The following LILRB4 variants were observed in gnomAD, a reference collection of about 807,000 sequenced individuals.
LILRB4 encodes leukocyte immunoglobulin-like receptor subfamily B member 4.
Under a neutral mutation model 55.2 loss-of-function variants are expected in LILRB4, and 49 were observed. That is an observed-to-expected ratio of 0.89 (90% CI 0.71 to 1.13). LILRB4 has a LOEUF of 1.13. Ranked by LOEUF, LILRB4 falls within the 50% of genes most tolerant of loss-of-function variation. The probability of loss-of-function intolerance (pLI) is 0.00; values close to 1 mark genes in which losing one functional copy is unlikely to be tolerated. For synonymous variants in LILRB4, 229 were observed against 213.8 expected (o/e 1.07, Z -0.62); for missense variants, 590 against 555.2 (o/e 1.06, Z -0.63).
rs1599917415 is a variant in LILRB4, at chr19:54,663,647, C to T, written c.70+80C>T. ...ACCCATGGGCAGCTGGGGGAGGAGA[C>T]AGCAGTTCTGGGTGACTGATGAGGA... On this transcript the variant is annotated intron_variant, in intron 2 of 11. Transcript: ENST00000430952. The T allele has an allele frequency of 7.4e-6, 12 of 1,611,424 alleles. No homozygotes were observed. In the East Asian group the frequency reaches 2.5e-4, roughly 33 times the overall value.
At chr19:54,664,681 G>A in intron 4 of LILRB4, 118 bp from the exon 5 acceptor site, 1 of 1,023,586 alleles carries the variant, frequency 9.8e-7, no homozygotes, top group Non-Finnish European at 1.4e-6. Flanking sequence ...GAAGGTGCCA[G>A]GTGGACAGAG....
chr19:54,667,314 A>AAGCC lies in LILRB4; in HGVS notation c.1042-323_1042-320dup, dbSNP rs2065326535. On this transcript the variant is annotated intron_variant, in intron 10 of 11. Transcript: ENST00000430952. Reference sequence around the variant, plus strand: ...GCTGTCTGCTCAGCTGTCATCTGAGAAGCCTGGACGGAGAGGGCCACGTGA... The same window carrying AAGCC: ...GCTGTCTGCTCAGCTGTCATCTGAGAAGCCAGCCTGGACGGAGAGGGCCACGTGA... 4 of 590,088 alleles carry AAGCC rather than the reference A, an allele frequency of 6.8e-6. No individual in the cohort carries two copies. In the South Asian group the frequency reaches 7.4e-5, roughly 11 times the overall value. 36.6% of individuals were successfully genotyped at this position (590,088 alleles called of 1,614,324 possible). A position where few individuals can be genotyped will look rare whatever the true frequency, so the allele number is the denominator to read the frequency against.
exon 4 of LILRB4, chr19:54,664,455 C>T (rs1292162910): frequency 1.2e-6 from 2 of 1,610,062 alleles, no homozygotes; most frequent in South Asian, 1.1e-5. Context: ...GCTGTCACAC[C>T]CCAGTGACCC....
At chr19:54,668,165 C>T in exon 12 of LILRB4, 1 of 835,174 alleles carries the variant, frequency 1.2e-6, no homozygotes, top group African/African-American at 1.7e-5. Flanking sequence ...TTGGGAGTCA[C>T]CTGATTCTGC....
At chr19:54,663,903 C>T in exon 3 of LILRB4, 1 of 1,614,140 alleles carries the variant, frequency 6.2e-7, no homozygotes, top group East Asian at 2.2e-5. Flanking sequence ...CAGACAGAAC[C>T]CACTGGAGCC....
exon 4 of LILRB4, chr19:54,664,318 C>T (rs2065164731): frequency 1.2e-6 from 2 of 1,614,020 alleles, no homozygotes; most frequent in African/African-American, 2.7e-5. Flanking sequence ...GCAGCCCATC[C>T]CCTACTGCAT....
rs374265065 is a variant in LILRB4 at position 54,666,756 on chromosome 19, A to C, written c.1041+7A>C. The stretch of plus-strand genomic sequence containing the variant: ...GGTGGAAATGGACACTCGGGTGAGA[A>C]CCCGCCCCTGTCCCCGGCACCAAAG... On this transcript the variant is annotated splice_region_variant and intron_variant, in intron 10 of 11. Coordinates refer to ENST00000430952, the Ensembl canonical transcript of LILRB4. The surrounding 1 kb of genome is among the most constrained non-coding windows in gnomAD (Gnocchi z 4.8). 241 of 1,613,686 alleles carry C rather than the reference A, an allele frequency of 1.5e-4. No individual in the cohort carries two copies. The highest frequency in any genetic ancestry group is 6.7e-4 in the Middle Eastern group (4 of 5,950).
rs767541477 is a variant in LILRB4 at position 54,666,722 on chromosome 19, T to C, written c.1014T>C (p.Pro338=). The C allele has an allele frequency of 4.3e-6, 7 of 1,614,034 alleles. No individual in the cohort carries two copies. Among genetic ancestry groups the C allele is most frequent in the South Asian group, 3.3e-5 (3 of 91,084 alleles). The change falls in exon 10 of 12, where the codon CCT becomes CCC. Residue 338 remains proline, a synonymous_variant. Coordinates refer to ENST00000430952, the Ensembl canonical transcript of LILRB4. The surrounding 1 kb of genome is among the most constrained non-coding windows in gnomAD (Gnocchi z 4.8). ...GTGCTGCCGTGAAGAACACACAGCC[T>C]GAGGACGGGGTGGAAATGGACACTC...
chr19:54,663,634 C>T, intron 2 of LILRB4, 67 bp downstream of exon 2: 1 of 1,612,036 alleles, frequency 6.2e-7, no homozygotes, highest in Non-Finnish European at 8.5e-7. Flanking sequence ...CCATGGGCAG[C>T]TGGGGGAGGA....
At chr19:54,664,394 G>T (rs764056217) in exon 4 of LILRB4, 1 of 1,613,964 alleles carries the variant, frequency 6.2e-7, no homozygotes, top group Non-Finnish European at 8.5e-7. Flanking sequence ...TGACCTCAGT[G>T]CACGGGGGGA....
intron 10 of LILRB4, chr19:54,667,392 C>G (rs531312988): frequency 3.9e-6 from 3 of 771,588 alleles, no homozygotes; most frequent in Non-Finnish European, 4.1e-6. Flanking sequence ...GCAAAGGCCC[C>G]GAGGCAGCAG....
chr19:54,665,298 G>A lies in LILRB4; in HGVS notation c.757+118G>A. On this transcript the variant is annotated intron_variant, in intron 6 of 11. Coordinates refer to ENST00000430952, the Ensembl canonical transcript of LILRB4. This position sits in a 1 kb window ranked among gnomAD's most constrained non-coding sequence, Gnocchi z 5.5. ...TGTGGACAGGCCCCTCCCCTGCATGGGCCTCAGTTTCTCCAAGTGTAAAGG... is the reference window on the plus strand; with the variant it reads ...TGTGGACAGGCCCCTCCCCTGCATGAGCCTCAGTTTCTCCAAGTGTAAAGG... The A allele has an allele frequency of 7.5e-7, 1 of 1,330,534 alleles. No individual in the cohort carries two copies. The highest frequency in any genetic ancestry group is 1.0e-6 in the Non-Finnish European group (1 of 981,098). 82.4% of individuals were successfully genotyped at this position (1,330,534 alleles called of 1,614,324 possible). A position where few individuals can be genotyped will look rare whatever the true frequency, so the allele number is the denominator to read the frequency against.
chr19:54,662,992 A>G (rs371079648), upstream of LILRB4: 3 of 1,613,650 alleles, frequency 1.9e-6, no homozygotes, highest in South Asian at 2.2e-5. Flanking sequence ...GGCACTGAGG[A>G]CTCATCCATC....
intron 10 of LILRB4, chr19:54,667,404 G>C (rs548010912): frequency 4.7e-5 from 40 of 845,026 alleles, no homozygotes; most frequent in Non-Finnish European, 6.4e-5. Context: ...AGGCAGCAGC[G>C]AGCTCTTGCA....
chr19:54,666,574 C>G lies in LILRB4; in HGVS notation c.989-123C>G. ...GGTCTGAACCCACATTGTGGGACCT[C>G]GGGGACATCACAGCCCCTCCCTGCG... On this transcript the variant is annotated intron_variant, in intron 9 of 11. Coordinates refer to ENST00000430952, the Ensembl canonical transcript of LILRB4. The surrounding 1 kb of genome is among the most constrained non-coding windows in gnomAD (Gnocchi z 4.8). 1 of 1,423,936 alleles carries G rather than the reference C, an allele frequency of 7.0e-7. No homozygotes were observed. The highest frequency in any genetic ancestry group is 9.8e-7 in the Non-Finnish European group (1 of 1,021,444). 88.2% of individuals were successfully genotyped at this position (1,423,936 alleles called of 1,614,324 possible).
chr19:54,663,192 A>G, intron 1 of LILRB4, 125 bp downstream of exon 1: 2 of 1,116,962 alleles, frequency 1.8e-6, no homozygotes, highest in Non-Finnish European at 2.5e-6. Flanking sequence ...CACGCCTGTA[A>G]TCCCAGCACT....
At chr19:54,663,379 G>A (rs1400363560) in intron 1 of LILRB4, among the ~76,000 whole-genome samples, 153 bp from the exon 2 acceptor site, 2 of 143,554 alleles carry the variant, frequency 1.4e-5, no homozygotes, top group Non-Finnish European at 3.0e-5. Context: ...CCGGGAGGCG[G>A]AGCTTGCAGT....
chr19:54,664,372 C>G, exon 4 of LILRB4: 1 of 1,614,064 alleles, frequency 6.2e-7, no homozygotes. Context: ...GCTGAATTCC[C>G]CATGAGTCCT....
exon 4 of LILRB4, chr19:54,664,312 C>G: frequency 6.2e-7 from 1 of 1,614,112 alleles, no homozygotes; most frequent in Middle Eastern, 1.7e-4. Context: ...GAGCGGGCAG[C>G]CCATCCCCTA....
Sources: gnomAD v4.1 joint callset for allele counts (sites outside exome capture counted in the v4.1 genomes callset) on GRCh38, gnomAD v4.1.1 for gene constraint, Gnocchi (gnomAD v3.1) non-coding constraint, MANE v1.5 for transcripts, NCBI Gene and HGNC (gene_info 2026-07-23, HGNC 2026-07-21) for gene names.